Variants in BBX observed in about 807,000 individuals in gnomAD.
The protein encoded by BBX is BBX high mobility group box domain containing, also known as HMG box transcription factor BBX.
Under a neutral mutation model 100.2 loss-of-function variants are expected in BBX, and 30 were observed. The ratio of observed to expected loss-of-function variants is 0.30; its 90% CI spans 0.22 to 0.41. The LOEUF (loss-of-function observed/expected upper bound fraction) is 0.41, where lower values mean the gene tolerates loss of function less well. Among genes scored for constraint, BBX ranks in the 10% least tolerant of loss-of-function variants. The probability of loss-of-function intolerance (pLI) is 1.00; values close to 1 mark genes in which losing one functional copy is unlikely to be tolerated. For missense variants in BBX, 1,023 were observed against 1,129.8 expected (o/e 0.91, Z 1.35); for synonymous variants, 376 against 388.1 (o/e 0.97, Z 0.37).
intron 3 of BBX, among the ~76,000 whole-genome samples, chr3:107,688,333 C>A (rs751251837): frequency 1.3e-5 from 2 of 152,216 alleles, no homozygotes; most frequent in Non-Finnish European, 2.9e-5. Flanking sequence ...CTGAACAGTT[C>A]TTTTCAGACT....
chr3:107,716,876 A>G, intron 5 of BBX, 27 bp downstream of exon 5: 1 of 1,607,048 alleles, frequency 6.2e-7, no homozygotes, highest in Non-Finnish European at 8.5e-7. Context: ...AGGTATTCTG[A>G]TAGCTAAAAG....
chr3:107,672,102 T>C (rs1014250546), intron 3 of BBX, among the ~76,000 whole-genome samples: 3 of 152,094 alleles, frequency 2.0e-5, no homozygotes, highest in Non-Finnish European at 4.4e-5. Flanking sequence ...CATAACTTTC[T>C]AATGAGGCAT....
At chr3:107,604,034 G>A (rs899186321) in intron 2 of BBX, among the ~76,000 whole-genome samples, 3 of 152,034 alleles carry the variant, frequency 2.0e-5, no homozygotes, top group Non-Finnish European at 4.4e-5. Flanking sequence ...TGTCTTTACC[G>A]TGGTCATTCT....
At chr3:107,685,985 C>G (rs909542142) in intron 3 of BBX, among the ~76,000 whole-genome samples, 3 of 152,124 alleles carry the variant, frequency 2.0e-5, no homozygotes, top group African/African-American at 7.2e-5. Context: ...GAAGCTTTTC[C>G]TTTATTGATC....
At position 107,526,466 on chromosome 3, in the gene BBX, G is replaced by A. The variant is rs547094604; in HGVS notation, c.-84+68G>A. On this transcript the variant is annotated intron_variant, in intron 2 of 17. Transcript: ENST00000325805. ...TAGTAATGACATAAGGGTCTTTATT[G>A]TTCACAGAGGAAGATGCTTTATTGG... is the stretch of plus-strand genomic sequence containing the variant. The A allele has an allele frequency of 2.0e-5, 8 of 397,774 alleles. No homozygotes were observed. The East Asian group carries it at 2.9e-4, about 14-fold the overall frequency. The allele number at this position is 397,774 out of a possible 1,614,324, so 24.6% of individuals were successfully genotyped here.
intron 5 of BBX, among the ~76,000 whole-genome samples, chr3:107,726,618 GCT>G (rs1335643196): frequency 6.6e-6 from 1 of 151,946 alleles, no homozygotes; most frequent in Non-Finnish European, 1.5e-5. Flanking sequence ...CCTTTCTCTT[GCT>G]CTCTGTTACT....
intron 2 of BBX, among the ~76,000 whole-genome samples, chr3:107,557,388 G>T (rs2050162983): frequency 6.6e-6 from 1 of 152,150 alleles, no homozygotes; most frequent in Admixed American, 6.5e-5. Context: ...CCTAACATTA[G>T]TTAGAGAAAT....
At chr3:107,767,455 A>G (rs2066486546) in intron 10 of BBX, among the ~76,000 whole-genome samples, 2 of 152,174 alleles carry the variant, frequency 1.3e-5, no homozygotes, top group South Asian at 4.1e-4. Flanking sequence ...CCAACAACAG[A>G]AAAAACAGAT....
At chr3:107,580,917 C>T (rs1241504686) in intron 2 of BBX, among the ~76,000 whole-genome samples, 4 of 152,192 alleles carry the variant, frequency 2.6e-5, no homozygotes, top group South Asian at 4.1e-4. Flanking sequence ...AGGCGTGAGC[C>T]GTCACACCCA....
chr3:107,764,882 CAT>C (rs2066249592), intron 10 of BBX, among the ~76,000 whole-genome samples: 1 of 152,172 alleles, frequency 6.6e-6, no homozygotes, highest in Non-Finnish European at 1.5e-5. Flanking sequence ...TGTGCACATC[CAT>C]GCATACATTT....
intron 2 of BBX, among the ~76,000 whole-genome samples, chr3:107,588,431 T>C (rs1312843278): frequency 6.6e-6 from 1 of 152,106 alleles, no homozygotes; most frequent in East Asian, 1.9e-4. Context: ...CATTTCATGC[T>C]GGAGACAAGC....
intron 7 of BBX, among the ~76,000 whole-genome samples, chr3:107,740,219 A>G (rs1176612356): frequency 6.6e-6 from 1 of 151,992 alleles, no homozygotes; most frequent in Non-Finnish European, 1.5e-5. Flanking sequence ...TAACTCTCAG[A>G]TGGAATCCTC....
chr3:107,637,803 A>G (rs952022230), intron 2 of BBX, among the ~76,000 whole-genome samples: 2 of 152,304 alleles, frequency 1.3e-5, no homozygotes, highest in African/African-American at 4.8e-5. Flanking sequence ...GGCGTCAGCT[A>G]TGGAAATGTG....
At chr3:107,541,320 T>G (rs547507585) in intron 2 of BBX, among the ~76,000 whole-genome samples, 9 of 152,078 alleles carry the variant, frequency 5.9e-5, no homozygotes, top group Non-Finnish European at 1.3e-4. Context: ...GAGCTAAAAT[T>G]TTTTTTTCTT....
At chr3:107,699,496 TAGGAGAAGG>T (rs2060894233) in intron 3 of BBX, among the ~76,000 whole-genome samples, 2 of 151,932 alleles carry the variant, frequency 1.3e-5, no homozygotes, top group South Asian at 4.1e-4. Flanking sequence ...AGACTCCCTT[TAGGAGAAGG>T]ACATGAGCAG....
intron 13 of BBX, among the ~76,000 whole-genome samples, chr3:107,784,951 A>G (rs1461900625): frequency 6.6e-6 from 1 of 151,840 alleles, no homozygotes; most frequent in Non-Finnish European, 1.5e-5. Flanking sequence ...GAAGACTCAA[A>G]TTATTAGAAT....
chr3:107,736,920 G>A (rs1048080518), intron 7 of BBX, among the ~76,000 whole-genome samples: 4 of 152,114 alleles, frequency 2.6e-5, no homozygotes, highest in African/African-American at 9.6e-5. Flanking sequence ...CAATATCTGT[G>A]TAGTTGTATG....
At chr3:107,569,793 C>A (rs1425986735) in intron 2 of BBX, among the ~76,000 whole-genome samples, 1 of 152,054 alleles carries the variant, frequency 6.6e-6, no homozygotes, top group East Asian at 1.9e-4. Flanking sequence ...GAGTGGGTAG[C>A]CTCCATATTG....
intron 2 of BBX, among the ~76,000 whole-genome samples, chr3:107,591,031 G>T (rs147959784): frequency 6.6e-4 from 101 of 152,336 alleles, no homozygotes; most frequent in African/African-American, 1.9e-3. Context: ...AATACCTCCA[G>T]CTTCCAGGCA....
Sources: allele counts gnomAD v4.1 joint callset (sites outside exome capture counted in the v4.1 genomes callset), GRCh38; gene constraint gnomAD v4.1.1; transcripts MANE v1.5; gene names NCBI Gene and HGNC (gene_info 2026-07-23, HGNC 2026-07-21).